The following CSNK2A2 variants were observed in gnomAD, a reference collection of about 807,000 sequenced individuals.
CSNK2A2 encodes casein kinase 2 alpha 2.
Under a neutral mutation model 54.0 loss-of-function variants are expected in CSNK2A2, and 8 were observed. The ratio of observed to expected loss-of-function variants is 0.15; its 90% CI spans 0.09 to 0.27. The LOEUF (loss-of-function observed/expected upper bound fraction) is 0.27. CSNK2A2 is among the 10% of genes least tolerant of loss of function. The probability of loss-of-function intolerance (pLI) is 1.00; values close to 1 mark genes in which losing one functional copy is unlikely to be tolerated. For missense variants in CSNK2A2, 242 were observed against 439.4 expected (o/e 0.55, Z 4.02); for synonymous variants, 141 against 153.9 (o/e 0.92, Z 0.62).
chr16:58,195,657 C>T (rs1455508300), intron 2 of CSNK2A2, among the ~76,000 whole-genome samples: 1 of 152,204 alleles, frequency 6.6e-6, no homozygotes, highest in Non-Finnish European at 1.5e-5. Context: ...CTAAGAACTA[C>T]TTTTTACTAT....
At chr16:58,186,981 G>T in intron 2 of CSNK2A2, 125 bp from the exon 3 acceptor site, 1 of 711,004 alleles carries the variant, frequency 1.4e-6, no homozygotes, top group Non-Finnish European at 2.2e-6. Flanking sequence ...GTTCAAGAGT[G>T]TGCCTAAATT....
At chr16:58,188,633 G>T (rs1328286900) in intron 2 of CSNK2A2, among the ~76,000 whole-genome samples, 1 of 152,178 alleles carries the variant, frequency 6.6e-6, no homozygotes, top group East Asian at 1.9e-4. Flanking sequence ...TTAGGTAACA[G>T]CAATGCATCA....
Position 58,198,067 on chromosome 16 carries a change from A to C in CSNK2A2, c.-331T>G. On this transcript the variant is annotated 5_prime_UTR_variant, in exon 1 of 12. Transcript: ENST00000262506. ...CGGCAGCGGCAGCCACCGGCCGGGA[A>C]AGGGGCAGCGGCGGCGGCAGCGGAG... 1 of 145,502 alleles carries C rather than the reference A, an allele frequency of 6.9e-6. No individual in the cohort carries two copies. Among genetic ancestry groups the C allele is most frequent in the Non-Finnish European group, 1.5e-5 (1 of 65,480 alleles). The allele number at this position is 145,502 out of a possible 1,614,324, so 9.0% of individuals were successfully genotyped here.
chr16:58,164,076 G>A lies in CSNK2A2; in HGVS notation c.1048C>T (p.Arg350Ter). 3.7e-6 allele frequency: 6 copies of A among 1,613,124 alleles called. No individual in the cohort carries two copies. The highest frequency in any genetic ancestry group is 5.1e-6 in the Non-Finnish European group (6 of 1,179,446). The change falls in exon 11 of 12, where the codon CGA becomes TGA. Residue 350 changes from arginine to a stop codon, truncating the protein, a stop_gained. Transcript: ENST00000262506. LOFTEE classifies it high-confidence loss of function. ...TACCCGTCGCTTTCCAGTCTTCATC[G>A]TGCTGCCGTGAGACCACTGGAAAGC... Reference protein sequence around the residue: ...AVLSSGLTAAR With the variant: ...AVLSSGLTAA
intron 4 of CSNK2A2, among the ~76,000 whole-genome samples, chr16:58,181,839 C>G (rs1480414340): frequency 3.3e-5 from 5 of 151,968 alleles, no homozygotes; most frequent in Admixed American, 3.3e-4. Context: ...TACGAAGGCA[C>G]GTCATTGTGA....
chr16:58,159,315 C>T (rs577007916), intron 11 of CSNK2A2, among the ~76,000 whole-genome samples: 1 of 152,298 alleles, frequency 6.6e-6, no homozygotes, highest in African/African-American at 2.4e-5. Flanking sequence ...GAGCACCAGG[C>T]CACAAGGTTA....
intron 4 of CSNK2A2, among the ~76,000 whole-genome samples, chr16:58,182,949 C>T (rs779872711): frequency 2.0e-5 from 3 of 152,222 alleles, no homozygotes; most frequent in Non-Finnish European, 1.5e-5. Context: ...AAATCTGTCA[C>T]ATGTGGGAAA....
rs565492991 is a variant in CSNK2A2 at position 58,174,541 on chromosome 16, A to G, written c.370-31T>C. Reference sequence around the variant, plus strand: ...ACAGATTCCAGAAAACAGAAAGTTAATTTAGTCTCACTGCATCTTGTCATC... The same window carrying G: ...ACAGATTCCAGAAAACAGAAAGTTAGTTTAGTCTCACTGCATCTTGTCATC... On this transcript the variant is annotated intron_variant, in intron 4 of 11. Transcript: ENST00000262506. 174 of 1,583,338 alleles carry G rather than the reference A, an allele frequency of 1.1e-4. No individual in the cohort carries two copies. The South Asian group carries it at 1.8e-3, about 16-fold the overall frequency.
rs71385152 is a variant in CSNK2A2 at position 58,180,078 on chromosome 16, C to CAAA, written c.369+4179_369+4181dup. Among the ~76,000 whole-genome samples, 310 of 90,928 alleles carry CAAA rather than the reference C, an allele frequency of 3.4e-3. 5 individuals carry two copies. The highest frequency in any genetic ancestry group is 0.011 in the East Asian group (35 of 3,116). The allele number at this position is 90,928 out of a possible 152,430, so 59.7% of individuals were successfully genotyped here. A position where few individuals can be genotyped will look rare whatever the true frequency, so the allele number is the denominator to read the frequency against. On this transcript the variant is annotated intron_variant, in intron 4 of 11. Transcript: ENST00000262506. ...TGGGCAACAGAGCGAGACTCCTTCT[C>CAAA]AAAAAAAAAAAAAAAAAGAAAAAGA...
At chr16:58,171,971 ATATATATATTTTT>A (rs1185241012) in intron 5 of CSNK2A2, among the ~76,000 whole-genome samples, 2 of 30,962 alleles carry the variant, frequency 6.5e-5, no homozygotes, top group Non-Finnish European at 6.0e-5. Context: ...ATATATATAT[ATATATATATTTTT>A]TTTTTTTTTT....
chr16:58,158,466 G>C (rs1040652266), intron 11 of CSNK2A2, 113 bp from the exon 12 acceptor site: 3 of 152,320 alleles, frequency 2.0e-5, no homozygotes, highest in Admixed American at 6.5e-5. Flanking sequence ...GCCCTCCCAT[G>C]CCACTTGGTG....
chr16:58,189,150 G>A (rs571735945), intron 2 of CSNK2A2, among the ~76,000 whole-genome samples: 1 of 151,654 alleles, frequency 6.6e-6, no homozygotes, highest in Non-Finnish European at 1.5e-5. Flanking sequence ...GTAGAGACGG[G>A]GTCTCACCAT....
At chr16:58,179,877 A>G (rs1961983923) in intron 4 of CSNK2A2, among the ~76,000 whole-genome samples, 1 of 152,138 alleles carries the variant, frequency 6.6e-6, no homozygotes, top group African/African-American at 2.4e-5. Context: ...CAGCAGTTCA[A>G]GACTAGCCTG....
chr16:58,188,391 C>T (rs554010074), intron 2 of CSNK2A2, among the ~76,000 whole-genome samples: 2 of 152,306 alleles, frequency 1.3e-5, no homozygotes, highest in Admixed American at 1.3e-4. Context: ...GGGAAAAAAG[C>T]ACTGTACAAT....
chr16:58,182,677 G>A (rs13338562), intron 4 of CSNK2A2, among the ~76,000 whole-genome samples: 6 of 151,996 alleles, frequency 3.9e-5, no homozygotes, highest in East Asian at 3.9e-4. Context: ...ATTACACTAC[G>A]AACTTCCATT....
chr16:58,158,036 G>C lies in CSNK2A2; in HGVS notation c.*335C>G, dbSNP rs1961193940. The C allele has an allele frequency of 6.5e-6, 1 of 152,758 alleles. No individual in the cohort carries two copies. Among genetic ancestry groups the C allele is most frequent in the East Asian group, 1.9e-4 (1 of 5,194 alleles). 9.5% of individuals were successfully genotyped at this position (152,758 alleles called of 1,614,324 possible). A position where few individuals can be genotyped will look rare whatever the true frequency, so the allele number is the denominator to read the frequency against. On this transcript the variant is annotated 3_prime_UTR_variant, in exon 12 of 12. Coordinates refer to ENST00000262506, the MANE Select transcript of CSNK2A2 (RefSeq NM_001896.4). ...GTCAGCTAGTTAGCGTGGTTTGCTGGAAAAACAGGCGGCCACGGGACGAGT... is the reference window on the plus strand; with the variant it reads ...GTCAGCTAGTTAGCGTGGTTTGCTGCAAAAACAGGCGGCCACGGGACGAGT...
chr16:58,175,492 C>G (rs3784914), intron 4 of CSNK2A2, among the ~76,000 whole-genome samples: 10,707 of 152,168 alleles, frequency 0.07, 477 homozygotes, highest in South Asian at 0.21. Flanking sequence ...TAATGTGTCT[C>G]TGTAATAAGG....
intron 4 of CSNK2A2, among the ~76,000 whole-genome samples, chr16:58,180,066 G>A (rs2731750): frequency 0.14 from 19,654 of 141,182 alleles, 1,809 homozygotes; most frequent in Admixed American, 0.27. Context: ...GCAACAGAGC[G>A]AGACTCCTTC....
chr16:58,182,001 G>T (rs1034704411), intron 4 of CSNK2A2, among the ~76,000 whole-genome samples: 23 of 152,048 alleles, frequency 1.5e-4, no homozygotes, highest in Admixed American at 5.9e-4. Context: ...TTATAACCTA[G>T]AACTCTATAC....
Sources: allele counts gnomAD v4.1 joint callset (sites outside exome capture counted in the v4.1 genomes callset), GRCh38; gene constraint gnomAD v4.1.1; transcripts MANE v1.5; gene names NCBI Gene and HGNC (gene_info 2026-07-23, HGNC 2026-07-21).